Variants in FAM78A observed in about 807,000 individuals in gnomAD.
FAM78A encodes the protein family with sequence similarity 78 member A.
In FAM78A, 12 loss-of-function variants were observed where a neutral mutation model predicts 22.6. The ratio of observed to expected loss-of-function variants is 0.53; its 90% CI spans 0.34 to 0.86. The LOEUF (loss-of-function observed/expected upper bound fraction) is 0.86. Ranked by LOEUF, FAM78A falls within the 40% of genes least tolerant of loss-of-function variation. The probability of loss-of-function intolerance (pLI) is 0.02; values close to 1 mark genes in which losing one functional copy is unlikely to be tolerated. For missense variants in FAM78A, 322 were observed against 396.1 expected, an observed-to-expected ratio of 0.81 and a Z score of 1.59; for synonymous variants, 151 against 155.8, an observed-to-expected ratio of 0.97 and a Z score of 0.23.
upstream of FAM78A, among the ~76,000 whole-genome samples, chr9:131,280,584 G>A (rs534185360): frequency 1.6e-4 from 24 of 152,172 alleles, no homozygotes; most frequent in African/African-American, 2.2e-4. Context: ...TCCCCCACCC[G>A]GGATGGTGAA....
rs1008193510 is a variant in FAM78A, at chr9:131,275,490, G to A, written c.323+367C>T. On this transcript the variant is annotated intron_variant, in intron 1 of 1. Transcript: ENST00000372271. The surrounding 1 kb of genome is among the most constrained non-coding windows in gnomAD (Gnocchi z 4.6). The stretch of plus-strand genomic sequence containing the variant: ...GGCCAGAGGCCTGGAGGGCAGCCCT[G>A]CAGCCTCTCTGGTGACCCCTGATGG... Among the ~76,000 whole-genome samples the A allele has an allele frequency of 5.9e-5, 9 of 152,354 alleles. No individual in the cohort carries two copies. Among genetic ancestry groups the A allele is most frequent in the Admixed American group, 5.9e-4 (9 of 15,304 alleles).
At position 131,276,156 on chromosome 9, in the gene FAM78A, GCAGT is replaced by G. The variant is rs748416214; in HGVS notation, c.20_23del (p.Asp7AlafsTer33). On this transcript the variant is annotated frameshift_variant, in exon 1 of 2. Coordinates refer to ENST00000372271, the MANE Select transcript of FAM78A (RefSeq NM_033387.4). LOFTEE classifies it high-confidence loss of function. The surrounding 1 kb of genome is among the most constrained non-coding windows in gnomAD (Gnocchi z 4.3). The stretch of plus-strand genomic sequence containing the variant: ...GCGCTCTGATCTCCAGGGAAGGCCA[GCAGT>G]CACAGAAAAAACCAGGCATTGAAAG... 38 of 1,612,498 alleles carry G rather than the reference GCAGT, an allele frequency of 2.4e-5. No individual in the cohort carries two copies. In the South Asian group the frequency reaches 4.0e-4, roughly 17 times the overall value.
rs1418496319 is a variant in FAM78A, at chr9:131,275,941, A to G, written c.239T>C (p.Ile80Thr). 1 of 1,613,248 alleles carries G rather than the reference A, an allele frequency of 6.2e-7. No individual in the cohort carries two copies. Among genetic ancestry groups the G allele is most frequent in the African/African-American group, 1.3e-5 (1 of 74,880 alleles). Reference sequence around the variant, plus strand: ...AACTACCCAAGTCTCCTTCTTGGGGATGGGCGGCATGACCACCTGGGCCGA... The same window carrying G: ...AACTACCCAAGTCTCCTTCTTGGGGGTGGGCGGCATGACCACCTGGGCCGA... ...RASAQVVMPP[I>T]PKKETWVVGW... The change falls in exon 1 of 2, where the codon ATC (isoleucine) becomes ACC (threonine). Residue 80 changes from isoleucine (I) to threonine (T), a missense_variant. Ile to Thr is a moderately conservative substitution (Grantham distance 89, BLOSUM62 -1). Coordinates refer to ENST00000372271, the MANE Select transcript of FAM78A (RefSeq NM_033387.4). This position sits in a 1 kb window ranked among gnomAD's most constrained non-coding sequence, Gnocchi z 4.6.
chr9:131,276,276 A>G lies in FAM78A; in HGVS notation c.-97T>C. 3 of 1,012,216 alleles carry G rather than the reference A, an allele frequency of 3.0e-6. No individual in the cohort carries two copies. Among genetic ancestry groups the G allele is most frequent in the Non-Finnish European group, 2.9e-6 (2 of 693,876 alleles). 62.7% of individuals were successfully genotyped at this position (1,012,216 alleles called of 1,614,324 possible). A position where few individuals can be genotyped will look rare whatever the true frequency, so the allele number is the denominator to read the frequency against. On this transcript the variant is annotated 5_prime_UTR_variant, in exon 1 of 2. Transcript: ENST00000372271. The surrounding 1 kb of genome is among the most constrained non-coding windows in gnomAD (Gnocchi z 4.3). ...CCATAGGATAGAAAACTCACTGAGT[A>G]GACTGGGGTTGCATATATCACTACC...
Position 131,275,787 on chromosome 9 carries a change from G to T in FAM78A, c.323+70C>A, listed in dbSNP as rs1306755343. ...GTATCTCCACCTTCCCCCTATCCGC[G>T]GCCCCCCACCAGGCCTCCAAGCTCG... On this transcript the variant is annotated intron_variant, in intron 1 of 1. Coordinates refer to ENST00000372271, the MANE Select transcript of FAM78A (RefSeq NM_033387.4). The surrounding 1 kb of genome is among the most constrained non-coding windows in gnomAD (Gnocchi z 4.6). 1 of 1,468,624 alleles carries T rather than the reference G, an allele frequency of 6.8e-7. No homozygotes were observed. The highest frequency in any genetic ancestry group is 1.4e-5 in the African/African-American group (1 of 70,744). 91.0% of individuals were successfully genotyped at this position (1,468,624 alleles called of 1,614,324 possible).
At chr9:131,264,533 C>T (rs1835317803) in intron 1 of FAM78A, 1 of 713,074 alleles carries the variant, frequency 1.4e-6, no homozygotes, top group African/African-American at 1.7e-5. Context: ...AGACAATCCG[C>T]CAACATCTGC....
chr9:131,280,625 G>A (rs867502236), upstream of FAM78A, among the ~76,000 whole-genome samples: 1 of 152,194 alleles, frequency 6.6e-6, no homozygotes, highest in Non-Finnish European at 1.5e-5. Context: ...AGCTCAAAGT[G>A]TTGTCAGTGG....
At position 131,275,506 on chromosome 9, in the gene FAM78A, C is replaced by T. The variant is rs548131202; in HGVS notation, c.323+351G>A. Among the ~76,000 whole-genome samples the T allele has an allele frequency of 6.6e-5, 10 of 152,370 alleles. No individual in the cohort carries two copies. The East Asian group carries it at 1.3e-3, about 21-fold the overall frequency. On this transcript the variant is annotated intron_variant, in intron 1 of 1. Transcript: ENST00000372271. The surrounding 1 kb of genome is among the most constrained non-coding windows in gnomAD (Gnocchi z 4.6). ...GGCAGCCCTGCAGCCTCTCTGGTGA[C>T]CCCTGATGGCACAGACACTCCTCAG...
chr9:131,277,009 G>C (rs1243576258), upstream of FAM78A, among the ~76,000 whole-genome samples: 1 of 149,830 alleles, frequency 6.7e-6, no homozygotes, highest in Non-Finnish European at 1.5e-5. This position sits in a 1 kb window ranked among gnomAD's most constrained non-coding sequence, Gnocchi z 8.4. Flanking sequence ...CTTTGCTGCG[G>C]GGGGCGCGCG....
At chr9:131,264,526 C>A (rs1034099946) in intron 1 of FAM78A, 2 of 711,948 alleles carry the variant, frequency 2.8e-6, no homozygotes, top group African/African-American at 1.7e-5. Flanking sequence ...AGCCCACAGA[C>A]AATCCGCCAA....
At chr9:131,273,210 A>T (rs1015677481) in intron 1 of FAM78A, among the ~76,000 whole-genome samples, 1 of 152,180 alleles carries the variant, frequency 6.6e-6, no homozygotes, top group Non-Finnish European at 1.5e-5. Flanking sequence ...GAATCCTCAC[A>T]GCAGCCTACG....
upstream of FAM78A, among the ~76,000 whole-genome samples, chr9:131,277,662 C>T (rs1179178452): frequency 4.0e-5 from 6 of 151,604 alleles, no homozygotes; most frequent in Non-Finnish European, 7.4e-5. The surrounding 1 kb of genome is among the most constrained non-coding windows in gnomAD (Gnocchi z 8.4). Flanking sequence ...TGTCCCTTGG[C>T]TCTACTGGAG....
In FAM78A at chr9:131,272,077, A is replaced by C. The variant is rs1835428257; in HGVS notation, c.323+3780T>G. Reference sequence around the variant, plus strand: ...TATTTCAAACCCAGAATGTCATTCTAAAAAGTTATCCTCTTGGCTTAGGGA... The same window carrying C: ...TATTTCAAACCCAGAATGTCATTCTCAAAAGTTATCCTCTTGGCTTAGGGA... On this transcript the variant is annotated intron_variant, in intron 1 of 1. Coordinates refer to ENST00000372271, the MANE Select transcript of FAM78A (RefSeq NM_033387.4). This position sits in a 1 kb window ranked among gnomAD's most constrained non-coding sequence, Gnocchi z 4.1. 6.6e-6 allele frequency among the ~76,000 whole-genome samples: 1 copy of C among 152,182 alleles called. No homozygotes were observed.
At chr9:131,277,489 C>T (rs1835500783), upstream of FAM78A, among the ~76,000 whole-genome samples, 1 of 151,860 alleles carries the variant, frequency 6.6e-6, no homozygotes. This position sits in a 1 kb window ranked among gnomAD's most constrained non-coding sequence, Gnocchi z 8.4. Context: ...CGGGCGCGCT[C>T]GCCGCTGCCG....
chr9:131,264,489 C>A, intron 1 of FAM78A: 1 of 681,064 alleles, frequency 1.5e-6, no homozygotes, highest in Non-Finnish European at 2.8e-6. Context: ...CAGTCACAGA[C>A]GCGCTGAGCT....
upstream of FAM78A, among the ~76,000 whole-genome samples, chr9:131,281,013 C>T (rs560700381): frequency 4.1e-4 from 63 of 152,266 alleles, no homozygotes; most frequent in African/African-American, 1.4e-3. Context: ...ATATAGTGGG[C>T]GCTCTCACCA....
In FAM78A at chr9:131,274,425, C is replaced by T. The variant is rs556596294; in HGVS notation, c.323+1432G>A. On this transcript the variant is annotated intron_variant, in intron 1 of 1. Coordinates refer to ENST00000372271, the MANE Select transcript of FAM78A (RefSeq NM_033387.4). This position sits in a 1 kb window ranked among gnomAD's most constrained non-coding sequence, Gnocchi z 4.2. ...ACTGCATAACTAAGAATCATGTTTC[C>T]CTGCTTAGAACAGAAAGGCAGCACC... Among the ~76,000 whole-genome samples the T allele has an allele frequency of 6.6e-6, 1 of 152,272 alleles. No individual in the cohort carries two copies. The highest frequency in any genetic ancestry group is 1.5e-5 in the Non-Finnish European group (1 of 68,016).
rs113476076 is a variant in FAM78A, at chr9:131,274,528, C to T, written c.323+1329G>A. On this transcript the variant is annotated intron_variant, in intron 1 of 1. Transcript: ENST00000372271. This position sits in a 1 kb window ranked among gnomAD's most constrained non-coding sequence, Gnocchi z 4.2. ...CAGAAATCAGGCTGGTGGAGAGGGC[C>T]GGTGAGAGCCTCTAGATGTGCCCCC... is the stretch of plus-strand genomic sequence containing the variant. 5.1e-3 allele frequency among the ~76,000 whole-genome samples: 780 copies of T among 152,252 alleles called. 10 individuals are homozygous for T. The highest frequency in any genetic ancestry group is 0.018 in the African/African-American group (754 of 41,524).
rs1835437264 is a variant in FAM78A, at chr9:131,272,860, G to C, written c.323+2997C>G. Reference sequence around the variant, plus strand: ...GCCGGAGAATCACTTGAACCCGGGAGGCAGAGGTTGTAGTGAGCCAAGATT... The same window carrying C: ...GCCGGAGAATCACTTGAACCCGGGACGCAGAGGTTGTAGTGAGCCAAGATT... On this transcript the variant is annotated intron_variant, in intron 1 of 1. Transcript: ENST00000372271. The surrounding 1 kb of genome is among the most constrained non-coding windows in gnomAD (Gnocchi z 4.1). Among the ~76,000 whole-genome samples the C allele has an allele frequency of 2.0e-5, 3 of 152,130 alleles. No individual in the cohort carries two copies. In the South Asian group the frequency reaches 6.2e-4, roughly 31 times the overall value.
Sources: gnomAD v4.1 joint callset for allele counts (sites outside exome capture counted in the v4.1 genomes callset) on GRCh38, gnomAD v4.1.1 for gene constraint, Gnocchi (gnomAD v3.1) non-coding constraint, MANE v1.5 for transcripts, NCBI Gene and HGNC (gene_info 2026-07-23, HGNC 2026-07-21) for gene names.